The following SRPX variants were observed in gnomAD, a reference collection of about 807,000 sequenced individuals.
The protein encoded by SRPX is sushi repeat containing protein X-linked, also known as sushi repeat-containing protein SRPX.
SRPX carries 24 observed loss-of-function variants against 38.1 expected under a neutral mutation model. The ratio of observed to expected loss-of-function variants is 0.63; its 90% CI spans 0.46 to 0.89. The LOEUF is 0.89. Among genes scored for constraint, SRPX ranks in the 40% least tolerant of loss-of-function variants. SRPX has a pLI of 0.00. For missense variants in SRPX, 416 were observed against 377.8 expected, an observed-to-expected ratio of 1.10 and a Z score of -0.84; for synonymous variants, 184 against 153.8, an observed-to-expected ratio of 1.20 and a Z score of -1.45.
At chrX:38,157,197 T>C (rs1938150267) in intron 7 of SRPX, among the ~76,000 whole-genome samples, 168 bp from the exon 8 acceptor site, 1 of 110,991 alleles carries the variant, frequency 9.0e-6, no homozygotes, top group Admixed American at 9.6e-5. Context: ...TGTGGAGGAG[T>C]ACGGAAGTAT....
At chrX:38,153,302 C>CTTTTTTTTTTTTTTTTTTTTTTTTTTT in intron 9 of SRPX, among the ~76,000 whole-genome samples, 1 of 54,740 alleles carries the variant, frequency 1.8e-5, no homozygotes, top group Non-Finnish European at 3.2e-5. Context: ...TTCTTTCTTT[C>CTTTTTTTTTTTTTTTTTTTTTTTTTTT]TTTTTTTTTT....
At chrX:38,210,297 T>C (rs1275572015) in intron 1 of SRPX, among the ~76,000 whole-genome samples, 1 of 111,963 alleles carries the variant, frequency 8.9e-6, no homozygotes, top group Non-Finnish European at 1.9e-5. Context: ...GATTCTGTGG[T>C]CCTCACTATT....
chrX:38,161,295 AAGGGTAGAATGGT>A (rs1415975994), intron 5 of SRPX, among the ~76,000 whole-genome samples: 2 of 110,902 alleles, frequency 1.8e-5, no homozygotes, highest in Admixed American at 1.9e-4. Context: ...TTTCTTGCTG[AAGGGTAGAATGGT>A]AGGGAAGTGG....
At chrX:38,192,600 C>T (rs1312579912) in intron 1 of SRPX, among the ~76,000 whole-genome samples, 1 of 112,763 alleles carries the variant, frequency 8.9e-6, no homozygotes, top group Non-Finnish European at 1.9e-5. Context: ...GATTTTGAAG[C>T]TCAGAAATTC....
intron 1 of SRPX, 146 bp from the exon 2 acceptor site, chrX:38,178,490 G>A (rs1413996454): frequency 2.3e-6 from 1 of 438,017 alleles, no homozygotes; most frequent in African/African-American, 2.5e-5. Flanking sequence ...CATTCATGAA[G>A]GAACAAACAG....
intron 1 of SRPX, among the ~76,000 whole-genome samples, chrX:38,205,596 A>G (rs908502269): frequency 8.9e-6 from 1 of 112,006 alleles, no homozygotes; most frequent in Admixed American, 9.5e-5. Flanking sequence ...TGTTGTCATC[A>G]AGAAGTTTCA....
At chrX:38,196,613 A>C (rs1939003975) in intron 1 of SRPX, among the ~76,000 whole-genome samples, 1 of 112,372 alleles carries the variant, frequency 8.9e-6, no homozygotes. Flanking sequence ...GCTGGGGAGG[A>C]CAAGCTCTTA....
intron 7 of SRPX, among the ~76,000 whole-genome samples, chrX:38,159,143 G>T (rs1032237589): frequency 8.1e-5 from 9 of 111,680 alleles, no homozygotes; most frequent in African/African-American, 2.9e-4. Context: ...TTTGAAATTG[G>T]TATATATTTT....
chrX:38,194,033 C>A (rs1938952285), intron 1 of SRPX, among the ~76,000 whole-genome samples: 1 of 111,447 alleles, frequency 9.0e-6, no homozygotes, highest in Admixed American at 9.5e-5. Context: ...ACTGGTGAGA[C>A]CTTGGATACA....
intron 5 of SRPX, among the ~76,000 whole-genome samples, chrX:38,164,054 C>T (rs1938313539): frequency 9.0e-6 from 1 of 111,531 alleles, no homozygotes; most frequent in Non-Finnish European, 1.9e-5. Context: ...TCCTTCCCTT[C>T]TTCTCACCAC....
chrX:38,155,540 G>A (rs905520617), intron 8 of SRPX, among the ~76,000 whole-genome samples: 8 of 112,282 alleles, frequency 7.1e-5, no homozygotes, highest in African/African-American at 2.6e-4. Context: ...AGGTTGGATT[G>A]CCTCTGTCCT....
rs1285352514 is a variant in SRPX at position 38,183,564 on chromosome X, A to G, written c.98-5220T>C. Among the ~76,000 whole-genome samples the G allele has an allele frequency of 2.7e-5, 3 of 111,708 alleles. No homozygotes were observed. The Admixed American group carries it at 2.8e-4, about 11-fold the overall frequency. On this transcript the variant is annotated intron_variant, in intron 1 of 9. Transcript: ENST00000378533. Reference sequence around the variant, plus strand: ...ACTGTACTTACTAAAGCAGCAGAGGAGCTTTATGTACATTGGGGAAAGATT... The same window carrying G: ...ACTGTACTTACTAAAGCAGCAGAGGGGCTTTATGTACATTGGGGAAAGATT...
At chrX:38,164,442 C>A (rs1938326020) in intron 5 of SRPX, among the ~76,000 whole-genome samples, 1 of 112,160 alleles carries the variant, frequency 8.9e-6, no homozygotes, top group Non-Finnish European at 1.9e-5. Flanking sequence ...CGCACCCAGC[C>A]AAGATGTTTT....
chrX:38,167,779 G>A (rs1430766867), intron 4 of SRPX, among the ~76,000 whole-genome samples: 2 of 109,681 alleles, frequency 1.8e-5, no homozygotes, highest in African/African-American at 6.7e-5. Flanking sequence ...CTTTTTTTTC[G>A]AGACAGGCTC....
intron 1 of SRPX, among the ~76,000 whole-genome samples, chrX:38,208,933 C>T (rs184082549): frequency 8.0e-4 from 82 of 103,013 alleles, no homozygotes; most frequent in African/African-American, 2.8e-3. Flanking sequence ...GAGATTCTCT[C>T]GCCTAGGCCT....
At chrX:38,199,987 T>G (rs1939080255) in intron 1 of SRPX, among the ~76,000 whole-genome samples, 1 of 112,576 alleles carries the variant, frequency 8.9e-6, no homozygotes, top group African/African-American at 3.2e-5. Context: ...ACAAATGTTT[T>G]CCAATCCTCA....
chrX:38,165,236 C>T (rs1938344501), intron 4 of SRPX, among the ~76,000 whole-genome samples: 1 of 112,018 alleles, frequency 8.9e-6, no homozygotes, highest in Non-Finnish European at 1.9e-5. Flanking sequence ...AACTAGAAGT[C>T]ATTTGGCTTT....
In SRPX at chrX:38,212,687, A is replaced by G. The variant is rs921779938; in HGVS notation, c.97+8009T>C. Among the ~76,000 whole-genome samples the G allele has an allele frequency of 2.7e-5, 3 of 111,505 alleles. No individual in the cohort carries two copies. In the Admixed American group the frequency reaches 2.9e-4, roughly 11 times the overall value. ...CAAGCTCTAAAAGAATATGGGGTCC[A>G]TAGCTTGTCCACTTGGAGTTAAGCT... On this transcript the variant is annotated intron_variant, in intron 1 of 9. Coordinates refer to ENST00000378533, the MANE Select transcript of SRPX (RefSeq NM_006307.5).
At chrX:38,213,129 G>A (rs1385774504) in intron 1 of SRPX, among the ~76,000 whole-genome samples, 1 of 111,979 alleles carries the variant, frequency 8.9e-6, no homozygotes. Context: ...GATAAATACT[G>A]TGTAATTCCA....
Sources: allele counts gnomAD v4.1 joint callset (sites outside exome capture counted in the v4.1 genomes callset), GRCh38; gene constraint gnomAD v4.1.1; transcripts MANE v1.5; gene names NCBI Gene and HGNC (gene_info 2026-07-23, HGNC 2026-07-21).